FSHR: variants seen among roughly 807,000 people sequenced by gnomAD.
The protein encoded by FSHR is follicle-stimulating hormone receptor.
In FSHR, 46 loss-of-function variants were observed where a neutral mutation model predicts 52.1. The observed-to-expected ratio is 0.88, with a 90% CI of 0.70 to 1.13. FSHR has a LOEUF of 1.13. Ranked by LOEUF, FSHR falls within the 50% of genes most tolerant of loss-of-function variation. The pLI, the probability that FSHR is intolerant of heterozygous loss-of-function variation, is 0.00. For missense variants in FSHR, 964 were observed against 834.6 expected, an observed-to-expected ratio of 1.16 and a Z score of -1.91; for synonymous variants, 399 against 309.6, an observed-to-expected ratio of 1.29 and a Z score of -3.03.
chr2:48,995,042 G>T (rs1418825231), intron 4 of FSHR, among the ~76,000 whole-genome samples: 1 of 152,146 alleles, frequency 6.6e-6, no homozygotes, highest in Non-Finnish European at 1.5e-5. Flanking sequence ...GTGACCCTGA[G>T]GCTCTAAGGC....
At position 48,963,306 on chromosome 2, in the gene FSHR, G is replaced by C. The variant is rs762390783; in HGVS notation, c.1515C>G (p.Ile505Met). ...IFAFAAALFP[I>M]FGISSYMKVS... ...CCTTCATGTAGCTGCTGATGCCAAA[G>C]ATGGGAAAGAGGGCAGCTGCAAAAG... Residue 505 changes from isoleucine (I) to methionine (M), a missense_variant, in exon 10 of 10, where the codon ATC becomes ATG. Transcript: ENST00000406846. 2 of 1,614,056 alleles carry C rather than the reference G, an allele frequency of 1.2e-6. No individual in the cohort carries two copies. Among genetic ancestry groups the C allele is most frequent in the Non-Finnish European group, 1.7e-6 (2 of 1,179,988 alleles).
chr2:48,963,096 G>T lies in FSHR; in HGVS notation c.1725C>A (p.Ala575=). Reference sequence around the variant, plus strand: ...AGAGGAAGTCAGTGAAGATGAGCATGGCCATGCGCTTGGCGATCCTGGTGT... The same window carrying T: ...AGAGGAAGTCAGTGAAGATGAGCATTGCCATGCGCTTGGCGATCCTGGTGT... ...SSDTRIAKRM[A]MLIFTDFLCM... Residue 575 remains alanine (A), a synonymous_variant, in exon 10 of 10, where the codon GCC becomes GCA. Coordinates refer to ENST00000406846, the MANE Select transcript of FSHR (RefSeq NM_000145.4). 1 of 1,614,114 alleles carries T rather than the reference G, an allele frequency of 6.2e-7. No individual in the cohort carries two copies. Among genetic ancestry groups the T allele is most frequent in the Non-Finnish European group, 8.5e-7 (1 of 1,180,020 alleles).
chr2:49,136,644 A>G (rs1037122735), intron 1 of FSHR, among the ~76,000 whole-genome samples: 2 of 152,150 alleles, frequency 1.3e-5, no homozygotes, highest in African/African-American at 2.4e-5. Flanking sequence ...CTAGCAACAT[A>G]TAAAAATAAT....
At chr2:49,097,316 G>A (rs1029408693) in intron 1 of FSHR, among the ~76,000 whole-genome samples, 4 of 152,000 alleles carry the variant, frequency 2.6e-5, no homozygotes, top group African/African-American at 7.3e-5. Context: ...TTAGATATGA[G>A]AATTGTAGAA....
At chr2:49,095,644 A>G (rs1368371408) in intron 1 of FSHR, among the ~76,000 whole-genome samples, 2 of 152,194 alleles carry the variant, frequency 1.3e-5, no homozygotes, top group Non-Finnish European at 2.9e-5. Context: ...AAAATTAAAA[A>G]TATTTGTGCA....
intron 4 of FSHR, among the ~76,000 whole-genome samples, chr2:49,005,509 G>C (rs1229854263): frequency 6.6e-6 from 1 of 152,220 alleles, no homozygotes; most frequent in African/African-American, 2.4e-5. Context: ...TATAATGATA[G>C]TCCTGCATAA....
intron 1 of FSHR, among the ~76,000 whole-genome samples, chr2:49,148,388 A>G (rs1172204275): frequency 1.3e-5 from 2 of 152,092 alleles, no homozygotes; most frequent in Admixed American, 6.6e-5. Context: ...ACTGCAGGAG[A>G]AAGTAATAAT....
intron 1 of FSHR, among the ~76,000 whole-genome samples, chr2:49,075,513 G>A (rs917182606): frequency 6.6e-6 from 1 of 151,994 alleles, no homozygotes; most frequent in African/African-American, 2.4e-5. Flanking sequence ...TTTATAATCA[G>A]CAAAGAATAA....
At chr2:49,144,259 G>C (rs982756635) in intron 1 of FSHR, among the ~76,000 whole-genome samples, 2 of 152,144 alleles carry the variant, frequency 1.3e-5, no homozygotes, top group East Asian at 1.9e-4. Context: ...CAGCCTAGCT[G>C]TTTCTTTGGC....
At position 48,968,812 on chromosome 2, in the gene FSHR, C is replaced by G. The variant is rs759012066; in HGVS notation, c.740G>C (p.Arg247Thr). Residue 247 changes from arginine to threonine, a missense_variant, in exon 9 of 10, where the codon AGG becomes ACG. Coordinates refer to ENST00000406846, the MANE Select transcript of FSHR (RefSeq NM_000145.4). The part of the protein sequence containing the change: ...GLENLKKLRA[R>T]STYNLKKLPT... Reference sequence around the variant, plus strand: ...CAGCTTTTTTAAGTTGTAAGTCGACCTGGCCCTCAGCTTCTTAAGATTTTC... The same window carrying G: ...CAGCTTTTTTAAGTTGTAAGTCGACGTGGCCCTCAGCTTCTTAAGATTTTC... 2.5e-6 allele frequency: 4 copies of G among 1,614,104 alleles called. No individual in the cohort carries two copies. In the South Asian group the frequency reaches 4.4e-5, roughly 18 times the overall value.
At chr2:48,965,898 T>C (rs1674457537) in intron 9 of FSHR, among the ~76,000 whole-genome samples, 2 of 152,216 alleles carry the variant, frequency 1.3e-5, no homozygotes, top group South Asian at 2.1e-4. Flanking sequence ...TGGAAAATCC[T>C]AATTATCATA....
At chr2:48,984,189 T>C (rs1487689217) in intron 6 of FSHR, among the ~76,000 whole-genome samples, 1 of 152,208 alleles carries the variant, frequency 6.6e-6, no homozygotes, top group Non-Finnish European at 1.5e-5. Context: ...AACAACTGTA[T>C]GTCTTTTTCC....
chr2:49,069,625 A>G (rs1321872054), intron 1 of FSHR, among the ~76,000 whole-genome samples: 1 of 152,146 alleles, frequency 6.6e-6, no homozygotes, highest in African/African-American at 2.4e-5. Flanking sequence ...AGTGCTTAAC[A>G]TGATAGGTAG....
chr2:48,968,970 T>G, intron 8 of FSHR, 87 bp from the exon 9 acceptor site: 1 of 1,166,272 alleles, frequency 8.6e-7, no homozygotes, highest in Non-Finnish European at 1.2e-6. Context: ...GCAGACACAC[T>G]AGTGATATTC....
chr2:48,965,515 A>G (rs1674433979), intron 9 of FSHR, among the ~76,000 whole-genome samples: 1 of 152,192 alleles, frequency 6.6e-6, no homozygotes, highest in Admixed American at 6.5e-5. Context: ...AGGGGAGAAG[A>G]GGGGTATCCT....
At chr2:49,136,448 T>G (rs1672491867) in intron 1 of FSHR, among the ~76,000 whole-genome samples, 2 of 152,044 alleles carry the variant, frequency 1.3e-5, no homozygotes, top group African/African-American at 4.8e-5. Flanking sequence ...TAATGAAGAA[T>G]AAATACCAAT....
chr2:48,990,174 G>A (rs1675703459), intron 5 of FSHR, among the ~76,000 whole-genome samples: 1 of 152,050 alleles, frequency 6.6e-6, no homozygotes, highest in African/African-American at 2.4e-5. Flanking sequence ...ATATGAATGT[G>A]TTTGTTAGAT....
intron 1 of FSHR, among the ~76,000 whole-genome samples, chr2:49,144,520 C>T (rs1672799926): frequency 1.3e-5 from 2 of 152,150 alleles, no homozygotes; most frequent in Non-Finnish European, 2.9e-5. Context: ...CTACTGTTTG[C>T]AGGATTCCAG....
chr2:49,048,274 AAAAT>A (rs1358443533), intron 2 of FSHR, among the ~76,000 whole-genome samples: 4 of 151,970 alleles, frequency 2.6e-5, no homozygotes, highest in East Asian at 1.9e-4. Flanking sequence ...AAAAAAAAGT[AAAAT>A]AAATAAAAAG....
Sources: gnomAD v4.1 joint callset for allele counts (sites outside exome capture counted in the v4.1 genomes callset) on GRCh38, gnomAD v4.1.1 for gene constraint, MANE v1.5 for transcripts, NCBI Gene and HGNC (gene_info 2026-07-23, HGNC 2026-07-21) for gene names.